KCND2: variants seen among roughly 807,000 people sequenced by gnomAD.
KCND2 encodes the protein potassium voltage-gated channel subfamily D member 2, also known as A-type voltage-gated potassium channel KCND2.
In KCND2, 16 loss-of-function variants were observed where a neutral mutation model predicts 54.4. That is an observed-to-expected ratio of 0.29 (90% CI 0.20 to 0.45). The LOEUF is 0.45. KCND2 is among the 20% of genes least tolerant of loss of function. The pLI is 1.00. For synonymous variants in KCND2, 317 were observed against 310.7 expected (o/e 1.02, Z -0.21); for missense variants, 486 against 824.2 (o/e 0.59, Z 5.02).
At chr7:120,377,926 T>G (rs546699007) in intron 1 of KCND2, among the ~76,000 whole-genome samples, 90 of 152,046 alleles carry the variant, frequency 5.9e-4, no homozygotes, top group Non-Finnish European at 8.5e-4. Flanking sequence ...ATGCTCATGT[T>G]GCATATGTAA....
chr7:120,281,534 T>C (rs1562995568), intron 1 of KCND2, among the ~76,000 whole-genome samples: 1 of 152,158 alleles, frequency 6.6e-6, no homozygotes, highest in Non-Finnish European at 1.5e-5. Flanking sequence ...AGCCTTTACG[T>C]TGACCTTCTC....
intron 1 of KCND2, among the ~76,000 whole-genome samples, chr7:120,709,428 A>T (rs1238205903): frequency 6.6e-6 from 1 of 152,182 alleles, no homozygotes; most frequent in Non-Finnish European, 1.5e-5. Context: ...CAGTAGAAAC[A>T]CTGCATAGAA....
At chr7:120,478,132 A>G (rs1350304501) in intron 1 of KCND2, among the ~76,000 whole-genome samples, 1 of 152,212 alleles carries the variant, frequency 6.6e-6, no homozygotes, top group Non-Finnish European at 1.5e-5. Context: ...AACATACACA[A>G]GAAATACACT....
chr7:120,481,585 A>T (rs1479525740), intron 1 of KCND2, among the ~76,000 whole-genome samples: 1 of 152,204 alleles, frequency 6.6e-6, no homozygotes, highest in Non-Finnish European at 1.5e-5. Flanking sequence ...TCACAGGTCC[A>T]GAGTTCTAAG....
chr7:120,404,233 T>C (rs1256294936), intron 1 of KCND2, among the ~76,000 whole-genome samples: 1 of 152,140 alleles, frequency 6.6e-6, no homozygotes, highest in Non-Finnish European at 1.5e-5. Flanking sequence ...AATGACATCA[T>C]CAACATGGTT....
chr7:120,399,580 T>C (rs1801213075), intron 1 of KCND2, among the ~76,000 whole-genome samples: 1 of 152,028 alleles, frequency 6.6e-6, no homozygotes. Flanking sequence ...CATTTGGAAA[T>C]AGTTAACAAT....
intron 1 of KCND2, among the ~76,000 whole-genome samples, chr7:120,421,600 G>T (rs1801624660): frequency 6.6e-6 from 1 of 152,230 alleles, no homozygotes; most frequent in African/African-American, 2.4e-5. Flanking sequence ...ATTTCCCAAA[G>T]ATTCATAGGT....
chr7:120,423,271 G>A (rs1002213059), intron 1 of KCND2, among the ~76,000 whole-genome samples: 2 of 152,090 alleles, frequency 1.3e-5, no homozygotes, highest in African/African-American at 2.4e-5. Context: ...GATTAGTCTC[G>A]TTGCCTTCTC....
intron 1 of KCND2, among the ~76,000 whole-genome samples, chr7:120,394,071 A>G (rs1801116167): frequency 6.6e-6 from 1 of 152,002 alleles, no homozygotes; most frequent in African/African-American, 2.4e-5. Context: ...CTTGTAGTGT[A>G]ATCATCCGAT....
intron 1 of KCND2, among the ~76,000 whole-genome samples, chr7:120,515,989 A>G (rs1402109272): frequency 6.6e-6 from 1 of 151,982 alleles, no homozygotes; most frequent in Non-Finnish European, 1.5e-5. Context: ...TTTTAATTAT[A>G]CCTCTTCTCA....
intron 1 of KCND2, among the ~76,000 whole-genome samples, chr7:120,614,016 A>ATT (rs763691698): frequency 4.0e-4 from 56 of 141,526 alleles, no homozygotes; most frequent in South Asian, 2.9e-3. Context: ...TCTTTGTTGG[A>ATT]TTTTTTTTTT....
chr7:120,622,761 TA>T (rs1183358968), intron 1 of KCND2, among the ~76,000 whole-genome samples: 1 of 151,298 alleles, frequency 6.6e-6, no homozygotes, highest in Non-Finnish European at 1.5e-5. Context: ...GCAAACATTT[TA>T]TACCCCCTTC....
chr7:120,638,498 A>G (rs1333606134), intron 1 of KCND2, among the ~76,000 whole-genome samples: 1 of 152,166 alleles, frequency 6.6e-6, no homozygotes, highest in East Asian at 1.9e-4. Flanking sequence ...GCTCTACCTA[A>G]TAACCAGATA....
At position 120,340,064 on chromosome 7, in the gene KCND2, A is replaced by G. The variant is rs561479799; in HGVS notation, c.1115+64317A>G. Among the ~76,000 whole-genome samples, 5 of 152,196 alleles carry G rather than the reference A, an allele frequency of 3.3e-5. No homozygotes were observed. The East Asian group carries it at 9.6e-4, about 29-fold the overall frequency. ...TAGTGTTTCACAGGTGCTTGTAATC[A>G]CTTGACTTTTACACTGAGATGAAGA... On this transcript the variant is annotated intron_variant, in intron 1 of 5. Coordinates refer to ENST00000331113, the MANE Select transcript of KCND2 (RefSeq NM_012281.3).
At chr7:120,656,098 A>G (rs1425587307) in intron 1 of KCND2, among the ~76,000 whole-genome samples, 3 of 152,142 alleles carry the variant, frequency 2.0e-5, no homozygotes, top group Admixed American at 2.0e-4. Flanking sequence ...AACTTTTAGT[A>G]TTCTATCAAC....
chr7:120,719,366 C>T (rs934613219), intron 1 of KCND2, among the ~76,000 whole-genome samples: 11 of 152,118 alleles, frequency 7.2e-5, no homozygotes, highest in South Asian at 2.1e-4. Flanking sequence ...GTAGTGAAAA[C>T]GCTAATAGGC....
intron 1 of KCND2, among the ~76,000 whole-genome samples, chr7:120,393,448 A>G (rs939858011): frequency 6.6e-6 from 1 of 152,134 alleles, no homozygotes; most frequent in Non-Finnish European, 1.5e-5. Context: ...TCATCTAGAA[A>G]TGCATTCACT....
intron 1 of KCND2, among the ~76,000 whole-genome samples, chr7:120,520,334 G>A (rs802364): frequency 0.24 from 36,850 of 151,926 alleles, 7,777 homozygotes; most frequent in African/African-American, 0.56. Flanking sequence ...AAAGTTACAC[G>A]TAAGAATACC....
At chr7:120,464,927 T>G (rs761268849) in intron 1 of KCND2, among the ~76,000 whole-genome samples, 39 of 152,186 alleles carry the variant, frequency 2.6e-4, no homozygotes, top group Admixed American at 1.1e-3. Flanking sequence ...CTCATGTGAT[T>G]AAATTAGATC....
Sources: allele counts gnomAD v4.1 joint callset (sites outside exome capture counted in the v4.1 genomes callset), GRCh38; gene constraint gnomAD v4.1.1; transcripts MANE v1.5; gene names NCBI Gene and HGNC (gene_info 2026-07-23, HGNC 2026-07-21).